Variants in MAD1L1 observed in about 807,000 individuals in gnomAD.
The protein encoded by MAD1L1 is mitotic arrest deficient 1 like 1.
A neutral mutation model predicts 96.9 loss-of-function variants in MAD1L1; 95 were observed. The observed-to-expected ratio is 0.98, with a 90% CI of 0.83 to 1.16. The LOEUF (loss-of-function observed/expected upper bound fraction) is 1.16, where lower values mean the gene tolerates loss of function less well. Among genes scored for constraint, MAD1L1 ranks in the 50% most tolerant of loss-of-function variants. MAD1L1 has a pLI of 0.00. For missense variants in MAD1L1, 1,007 were observed against 954.4 expected (o/e 1.06, Z -0.73); for synonymous variants, 473 against 396.6 (o/e 1.19, Z -2.29).
rs60466584 is a variant in MAD1L1, at chr7:2,038,498, CTTTTTTT to C, written c.1219-23863_1219-23857del. On this transcript the variant is annotated intron_variant, in intron 12 of 18. Transcript: ENST00000265854. ...TGTTAGGAGATAATGAAGCTGATGA[CTTTTTTT>C]TTTTTTTTTTTTTTTTTTTTTGAGA... is the stretch of plus-strand genomic sequence containing the variant. Among the ~76,000 whole-genome samples, 756 of 92,844 alleles carry C rather than the reference CTTTTTTT, an allele frequency of 8.1e-3. 4 individuals are homozygous for C. Among genetic ancestry groups the C allele is most frequent in the Non-Finnish European group, 0.011 (513 of 46,282 alleles). 60.9% of individuals were successfully genotyped at this position (92,844 alleles called of 152,430 possible).
intron 17 of MAD1L1, among the ~76,000 whole-genome samples, chr7:1,924,176 A>G (rs184386014): frequency 6.6e-6 from 1 of 152,364 alleles, no homozygotes; most frequent in Admixed American, 6.5e-5. Flanking sequence ...GTGATTGGAA[A>G]ACACAGACTT....
At chr7:1,971,663 C>T (rs1254278351) in intron 15 of MAD1L1, among the ~76,000 whole-genome samples, 1 of 152,148 alleles carries the variant, frequency 6.6e-6, no homozygotes, top group Non-Finnish European at 1.5e-5. Flanking sequence ...AAAGGTTTTG[C>T]TTACTTTTTT....
chr7:1,977,122 G>A (rs1780679222), intron 15 of MAD1L1, among the ~76,000 whole-genome samples: 1 of 152,230 alleles, frequency 6.6e-6, no homozygotes, highest in Admixed American at 6.5e-5. Context: ...GCACTCCTCA[G>A]CCCTTGGGTG....
chr7:2,102,192 A>ATCACCACCGTCACCG (rs1312504335), intron 11 of MAD1L1, among the ~76,000 whole-genome samples: 4 of 143,452 alleles, frequency 2.8e-5, no homozygotes, highest in African/African-American at 1.0e-4. Context: ...CACAACCACC[A>ATCACCACCGTCACCG]TCACCACCGT....
At chr7:1,914,656 CAGGGT>C (rs1788257235) in intron 17 of MAD1L1, among the ~76,000 whole-genome samples, 1 of 152,182 alleles carries the variant, frequency 6.6e-6, no homozygotes, top group Admixed American at 6.5e-5. Flanking sequence ...CTATGTTGCC[CAGGGT>C]AGCGAACAGG....
In MAD1L1 at chr7:2,219,352, C is replaced by T. The variant is rs1793464362; in HGVS notation, c.576G>A (p.Glu192=). Residue 192 remains glutamate, a synonymous_variant, in exon 6 of 19, where the codon GAG becomes GAA. Coordinates refer to ENST00000265854, the MANE Select transcript of MAD1L1 (RefSeq NM_001013836.2). ...RLESEKQELQ[E]QLDLQHKKCQ... is the part of the protein sequence containing the mutation. ...CCCACTTGTGTTGCAGGTCCAGCTG[C>T]TCCTGCAGCTCCTGCTTCTCCGACT... 2 of 1,587,738 alleles carry T rather than the reference C, an allele frequency of 1.3e-6. No individual in the cohort carries two copies. The highest frequency in any genetic ancestry group is 1.7e-6 in the Non-Finnish European group (2 of 1,166,116).
intron 13 of MAD1L1, among the ~76,000 whole-genome samples, chr7:2,013,365 C>T (rs945020131): frequency 6.6e-6 from 1 of 152,246 alleles, no homozygotes; most frequent in Non-Finnish European, 1.5e-5. Context: ...GACACAGTGA[C>T]CCTTGAGACC....
At position 2,216,153 on chromosome 7, in the gene MAD1L1, T is replaced by G; in HGVS notation, c.809+4A>C. ...CGGCTGCCCCATCCCCCGCAACCCC[T>G]CACCGCAGGTGCGCGCTCTCCTCCC... On this transcript the variant is annotated splice_donor_region_variant and intron_variant, in intron 8 of 18. Transcript: ENST00000265854. 1 of 1,611,980 alleles carries G rather than the reference T, an allele frequency of 6.2e-7. No homozygotes were observed.
At chr7:1,987,330 C>T (rs1033435350) in intron 14 of MAD1L1, among the ~76,000 whole-genome samples, 3 of 152,238 alleles carry the variant, frequency 2.0e-5, no homozygotes, top group Non-Finnish European at 2.9e-5. Flanking sequence ...GGTGCTTGGA[C>T]GGGCACACGG....
At chr7:1,949,655 G>A (rs1383041821) in intron 16 of MAD1L1, among the ~76,000 whole-genome samples, 1 of 152,236 alleles carries the variant, frequency 6.6e-6, no homozygotes, top group Non-Finnish European at 1.5e-5. Flanking sequence ...AGGGCCCTGT[G>A]CTTCCCTTCT....
chr7:1,885,333 G>A (rs530974925), intron 18 of MAD1L1, among the ~76,000 whole-genome samples: 2 of 152,122 alleles, frequency 1.3e-5, no homozygotes, highest in Non-Finnish European at 1.5e-5. Flanking sequence ...CTTTGTTCTC[G>A]GTCTATCCCC....
chr7:1,970,721 A>C (rs1780365627), intron 15 of MAD1L1, among the ~76,000 whole-genome samples: 1 of 152,188 alleles, frequency 6.6e-6, no homozygotes, highest in Admixed American at 6.5e-5. Context: ...TTGTGCATAC[A>C]TCTATTGAGA....
intron 12 of MAD1L1, among the ~76,000 whole-genome samples, chr7:2,049,949 C>A (rs1157377506): frequency 6.6e-6 from 1 of 150,798 alleles, no homozygotes; most frequent in African/African-American, 2.5e-5. Flanking sequence ...TCACAAGGAA[C>A]CTCACCCAAC....
intron 12 of MAD1L1, among the ~76,000 whole-genome samples, chr7:2,058,650 G>A (rs535489503): frequency 2.9e-4 from 31 of 106,132 alleles, no homozygotes; most frequent in African/African-American, 1.2e-3. Flanking sequence ...CAGGGCTGGA[G>A]AGGGAGTGTG....
intron 17 of MAD1L1, among the ~76,000 whole-genome samples, chr7:1,933,809 T>C (rs894937093): frequency 6.6e-6 from 1 of 152,116 alleles, no homozygotes; most frequent in Non-Finnish European, 1.5e-5. Context: ...ATCTCTTAAT[T>C]CAGCAATCAA....
intron 12 of MAD1L1, among the ~76,000 whole-genome samples, chr7:2,037,515 T>C (rs1466097850): frequency 6.6e-6 from 1 of 152,220 alleles, no homozygotes; most frequent in Non-Finnish European, 1.5e-5. Flanking sequence ...TTTCAGACAT[T>C]GTATCACTAT....
At chr7:1,957,889 T>C (rs768039098) in intron 15 of MAD1L1, among the ~76,000 whole-genome samples, 170 bp from the exon 16 acceptor site, 13 of 152,064 alleles carry the variant, frequency 8.5e-5, no homozygotes, top group African/African-American at 3.1e-4. Context: ...CAAGAGAAAA[T>C]TGGAAAACGA....
chr7:1,955,345 C>T (rs1583907877), intron 16 of MAD1L1, among the ~76,000 whole-genome samples: 1 of 152,338 alleles, frequency 6.6e-6, no homozygotes, highest in East Asian at 1.9e-4. Flanking sequence ...GGCTGGAGTG[C>T]AGTGGCGTGA....
chr7:1,831,090 G>A (rs1302480373), intron 18 of MAD1L1, among the ~76,000 whole-genome samples: 1 of 152,290 alleles, frequency 6.6e-6, no homozygotes, highest in Admixed American at 6.5e-5. Context: ...GTTCACATGA[G>A]CACACCTCGC....
Sources: allele counts gnomAD v4.1 joint callset (sites outside exome capture counted in the v4.1 genomes callset), GRCh38; gene constraint gnomAD v4.1.1; transcripts MANE v1.5; gene names NCBI Gene and HGNC (gene_info 2026-07-23, HGNC 2026-07-21).